The following TRIM36 variants were observed in gnomAD, a reference collection of about 807,000 sequenced individuals.
TRIM36 encodes the protein tripartite motif containing 36, also known as E3 ubiquitin-protein ligase TRIM36.
In TRIM36, 42 loss-of-function variants were observed where a neutral mutation model predicts 72.4. That is an observed-to-expected ratio of 0.58 (90% confidence interval 0.45 to 0.75). The LOEUF (loss-of-function observed/expected upper bound fraction) is 0.75, where lower values mean the gene tolerates loss of function less well. TRIM36 is among the 30% of genes least tolerant of loss of function. The probability of loss-of-function intolerance (pLI) is 0.00; values close to 1 mark genes in which losing one functional copy is unlikely to be tolerated. For synonymous variants in TRIM36, 315 were observed against 282.8 expected (o/e 1.11, Z -1.14); for missense variants, 913 against 857.1 (o/e 1.07, Z -0.81).
chr5:115,138,581 C>A (rs1753098876), intron 5 of TRIM36, among the ~76,000 whole-genome samples: 2 of 151,930 alleles, frequency 1.3e-5, no homozygotes, highest in South Asian at 4.2e-4. Context: ...ATAAGAAAAA[C>A]CATTTAGGTT....
intron 1 of TRIM36, among the ~76,000 whole-genome samples, chr5:115,179,641 C>T (rs1419280205): frequency 5.9e-5 from 9 of 152,242 alleles, no homozygotes; most frequent in African/African-American, 1.7e-4. Context: ...GTTGGTGGGG[C>T]AGCGCCCCCT....
chr5:115,144,486 C>G, intron 4 of TRIM36, 112 bp downstream of exon 4: 1 of 1,301,134 alleles, frequency 7.7e-7, no homozygotes, highest in Non-Finnish European at 1.1e-6. Context: ...CACTTTAACT[C>G]ATTTTAGTAC....
chr5:115,143,931 C>T (rs143239135), intron 4 of TRIM36, among the ~76,000 whole-genome samples: 3,378 of 152,006 alleles, frequency 0.022, 55 homozygotes, highest in African/African-American at 0.048. Flanking sequence ...AGTGCAGTGG[C>T]GCGATCTCAG....
At chr5:115,175,712 T>C (rs1198134321) in intron 1 of TRIM36, among the ~76,000 whole-genome samples, 3 of 152,138 alleles carry the variant, frequency 2.0e-5, no homozygotes, top group African/African-American at 7.2e-5. Context: ...ATTATATTTA[T>C]GAAAGTAGCT....
At chr5:115,160,949 C>T (rs138437894) in intron 2 of TRIM36, among the ~76,000 whole-genome samples, 139 of 152,236 alleles carry the variant, frequency 9.1e-4, no homozygotes, top group African/African-American at 3.3e-3. Context: ...TGCAAATGCC[C>T]AATAAATAGA....
At chr5:115,179,899 G>T in intron 1 of TRIM36, 1 of 1,442,932 alleles carries the variant, frequency 6.9e-7, no homozygotes, top group Non-Finnish European at 9.7e-7. Context: ...GAATGGACAC[G>T]GACGCCCACA....
chr5:115,130,544 G>C, intron 9 of TRIM36, 48 bp downstream of exon 9: 3 of 1,543,624 alleles, frequency 1.9e-6, no homozygotes, highest in Non-Finnish European at 2.6e-6. Flanking sequence ...CTATTTTCAG[G>C]CTTACTTTTA....
chr5:115,170,276 G>C (rs929127565), upstream of TRIM36, among the ~76,000 whole-genome samples: 1 of 152,162 alleles, frequency 6.6e-6, no homozygotes, highest in Admixed American at 6.5e-5. Context: ...CGCTGCAGCA[G>C]AGCAGCCGGC....
At chr5:115,177,215 A>T (rs1225041856) in intron 1 of TRIM36, 1 of 153,334 alleles carries the variant, frequency 6.5e-6, no homozygotes, top group Non-Finnish European at 1.5e-5. Context: ...GTGAAGTTTG[A>T]ATACTTTACA....
Position 115,157,242 on chromosome 5 carries a change from GAA to G in TRIM36, c.262+6274_262+6275del, listed in dbSNP as rs576852339. 4.3e-4 allele frequency among the ~76,000 whole-genome samples: 66 copies of G among 151,914 alleles called. 1 individual carries two copies. Among genetic ancestry groups the G allele is most frequent in the Admixed American group, 1.2e-3 (19 of 15,256 alleles). On this transcript the variant is annotated intron_variant, in intron 2 of 9. Transcript: ENST00000513154. ...AATGTAAACTAGTACAGCCACTACA[GAA>G]AAGAGTGTGGAGATTCCTTAAAGAA...
intron 7 of TRIM36, 91 bp downstream of exon 7, chr5:115,136,909 A>C: frequency 1.5e-6 from 2 of 1,322,386 alleles, no homozygotes; most frequent in Admixed American, 2.7e-5. Flanking sequence ...ATGCTGCTTT[A>C]TAATGTCAAA....
intron 1 of TRIM36, among the ~76,000 whole-genome samples, chr5:115,167,468 C>T (rs191468558): frequency 2.3e-3 from 349 of 152,318 alleles, no homozygotes; most frequent in Middle Eastern, 6.8e-3. Context: ...CAAACTTTTA[C>T]GCTCCGCTTC....
intron 8 of TRIM36, among the ~76,000 whole-genome samples, chr5:115,131,371 G>A (rs1752667426): frequency 6.6e-6 from 1 of 151,714 alleles, no homozygotes; most frequent in East Asian, 1.9e-4. Context: ...ATGGGACACT[G>A]TAAAAAAACA....
At chr5:115,177,344 A>C (rs1755381753) in intron 1 of TRIM36, 1 of 196,070 alleles carries the variant, frequency 5.1e-6, no homozygotes, top group African/African-American at 2.3e-5. Flanking sequence ...AAAGTGAGAG[A>C]AATTAAGAGG....
Position 115,129,979 on chromosome 5 carries a change from A to AT in TRIM36, c.1796+612dup, listed in dbSNP as rs1469702024. On this transcript the variant is annotated intron_variant, in intron 9 of 9. Transcript: ENST00000513154. Reference sequence around the variant, plus strand: ...ATGTTTTACTGTTAAAATTTTCAGCATTATATAAATTTTTTATCTTTCTGA... The same window carrying AT: ...ATGTTTTACTGTTAAAATTTTCAGCATTTATATAAATTTTTTATCTTTCTGA... Among the ~76,000 whole-genome samples the AT allele has an allele frequency of 2.0e-5, 3 of 152,326 alleles. No homozygotes were observed. In the East Asian group the frequency reaches 5.8e-4, roughly 29 times the overall value.
chr5:115,124,897 C>G lies in TRIM36; in HGVS notation c.*1606G>C, dbSNP rs887314981. The G allele has an allele frequency of 2.0e-5, 3 of 152,466 alleles. No homozygotes were observed. The highest frequency in any genetic ancestry group is 7.2e-5 in the African/African-American group (3 of 41,416). 9.4% of individuals were successfully genotyped at this position (152,466 alleles called of 1,614,324 possible). A position where few individuals can be genotyped will look rare whatever the true frequency, so the allele number is the denominator to read the frequency against. On this transcript the variant is annotated 3_prime_UTR_variant, in exon 10 of 10. Coordinates refer to ENST00000513154, the MANE Select transcript of TRIM36 (RefSeq NM_001300759.2). ...AATGTCTACATCATATGTGCTTGTA[C>G]AAGGCTTGAGTATCAACCACAAATG...
At chr5:115,147,580 A>G (rs753104434) in intron 2 of TRIM36, among the ~76,000 whole-genome samples, 186 bp from the exon 3 acceptor site, 6 of 152,240 alleles carry the variant, frequency 3.9e-5, no homozygotes, top group Non-Finnish European at 8.8e-5. Context: ...ACAAAAGACA[A>G]GCCCAAGTTA....
At chr5:115,144,782 G>T in intron 3 of TRIM36, 38 bp from the exon 4 acceptor site, 1 of 1,554,022 alleles carries the variant, frequency 6.4e-7, no homozygotes, top group South Asian at 1.2e-5. Flanking sequence ...TAAGGATCTA[G>T]GTTTCAAGTA....
intron 1 of TRIM36, among the ~76,000 whole-genome samples, chr5:115,175,348 G>A (rs150393417): frequency 9.2e-4 from 140 of 152,224 alleles, no homozygotes; most frequent in African/African-American, 3.3e-3. Context: ...AACAGTATTA[G>A]GAAACCTGCA....
Sources: allele counts gnomAD v4.1 joint callset (sites outside exome capture counted in the v4.1 genomes callset), GRCh38; gene constraint gnomAD v4.1.1; transcripts MANE v1.5; gene names NCBI Gene and HGNC (gene_info 2026-07-23, HGNC 2026-07-21).